CHRNA7: variants seen among roughly 807,000 people sequenced by gnomAD.
CHRNA7 encodes the protein neuronal acetylcholine receptor subunit alpha-7.
Under a neutral mutation model 48.0 loss-of-function variants are expected in CHRNA7, and 17 were observed. The ratio of observed to expected loss-of-function variants is 0.35; its 90% confidence interval spans 0.24 to 0.53. The LOEUF is 0.53. Ranked by LOEUF, CHRNA7 falls within the 20% of genes least tolerant of loss-of-function variation. The pLI is 0.92. For missense variants in CHRNA7, 155 were observed against 577.7 expected (o/e 0.27, Z 7.50); for synonymous variants, 75 against 242.3 (o/e 0.31, Z 6.41).
At chr15:32,044,288 T>TTCCTTCCTTCCTTCG (rs1566798035) in intron 2 of CHRNA7, among the ~76,000 whole-genome samples, 33 of 19,512 alleles carry the variant, frequency 1.7e-3, no homozygotes, top group African/African-American at 3.9e-3. Flanking sequence ...TCCTTCCTTC[T>TTCCTTCCTTCCTTCG]TTTTTTGGGG....
In CHRNA7 at chr15:32,138,726, C is replaced by CTGTTGTTT. The variant is rs1212817087; in HGVS notation, c.351-15177_351-15176insGTTTTGTT. ...TCTGCAATCCATGGCAGCCATTGAC[C>CTGTTGTTT]TGTTATGTTTTGTTTTGTTTTGTTT... On this transcript the variant is annotated intron_variant, in intron 4 of 9. Coordinates refer to ENST00000306901, the MANE Select transcript of CHRNA7 (RefSeq NM_000746.6). Among the ~76,000 whole-genome samples, 4 of 73,478 alleles carry CTGTTGTTT rather than the reference C, an allele frequency of 5.4e-5. No individual in the cohort carries two copies. The East Asian group carries it at 2.1e-3, about 39-fold the overall frequency. The allele number at this position is 73,478 out of a possible 152,430, so 48.2% of individuals were successfully genotyped here. A position where few individuals can be genotyped will look rare whatever the true frequency, so the allele number is the denominator to read the frequency against.
intron 2 of CHRNA7, among the ~76,000 whole-genome samples, chr15:32,038,071 T>C (rs1400848216): frequency 1.4e-5 from 2 of 146,786 alleles, no homozygotes; most frequent in African/African-American, 4.9e-5. Context: ...TATATATATA[T>C]AAATATACAT....
intron 2 of CHRNA7, among the ~76,000 whole-genome samples, chr15:32,044,271 C>CCTTCCTTCCTTT (rs1478932723): frequency 6.6e-6 from 1 of 151,138 alleles, no homozygotes; most frequent in Non-Finnish European, 1.5e-5. Flanking sequence ...TTCCTTCCTT[C>CCTTCCTTCCTTT]CTTCCTTCCT....
rs80073629 is a variant in CHRNA7 at position 32,092,233 on chromosome 15, G to A, written c.196-9070G>A. ...TCCTTTCTGTTTCTCATCTAACTAC[G>A]TAATAATTTGTTTTGGTTCTCAGTT... On this transcript the variant is annotated intron_variant, in intron 2 of 9. Transcript: ENST00000306901. 5.3e-3 allele frequency among the ~76,000 whole-genome samples: 814 copies of A among 152,192 alleles called. 14 individuals carry two copies. The highest frequency in any genetic ancestry group is 0.019 in the African/African-American group (783 of 41,522).
At chr15:32,105,664 A>G (rs1445322849) in intron 3 of CHRNA7, among the ~76,000 whole-genome samples, 2 of 152,212 alleles carry the variant, frequency 1.3e-5, no homozygotes, top group Non-Finnish European at 2.9e-5. Flanking sequence ...GAGAGGCACA[A>G]ATTCTCCTAA....
chr15:32,077,495 A>G (rs889776329), intron 2 of CHRNA7, among the ~76,000 whole-genome samples: 1 of 152,196 alleles, frequency 6.6e-6, no homozygotes, highest in African/African-American at 2.4e-5. Flanking sequence ...CCATTTCAAT[A>G]AATGTGTAGT....
intron 2 of CHRNA7, among the ~76,000 whole-genome samples, chr15:32,035,790 T>C (rs1207737895): frequency 6.6e-6 from 1 of 152,218 alleles, no homozygotes; most frequent in African/African-American, 2.4e-5. Context: ...AAAAAATCTT[T>C]ACTTTTTTGA....
At chr15:32,148,731 G>A (rs531697651) in intron 4 of CHRNA7, among the ~76,000 whole-genome samples, 1 of 152,322 alleles carries the variant, frequency 6.6e-6, no homozygotes, top group Admixed American at 6.5e-5. Flanking sequence ...TTGCTCCCAA[G>A]CCCTCTTTCA....
intron 4 of CHRNA7, among the ~76,000 whole-genome samples, chr15:32,145,784 G>A (rs2051474924): frequency 1.3e-5 from 2 of 152,196 alleles, no homozygotes; most frequent in African/African-American, 4.8e-5. Context: ...GAAAAGTGCA[G>A]TATTTGGGCG....
At chr15:32,081,065 A>G (rs1462469505) in intron 2 of CHRNA7, among the ~76,000 whole-genome samples, 2 of 152,226 alleles carry the variant, frequency 1.3e-5, no homozygotes, top group African/African-American at 2.4e-5. Context: ...GCATATTCTC[A>G]TAAGTGGGAG....
intron 6 of CHRNA7, 121 bp from the exon 7 acceptor site, chr15:32,158,288 CCTT>C: frequency 1.7e-5 from 13 of 743,404 alleles, no homozygotes; most frequent in Admixed American, 5.4e-5. Flanking sequence ...ACAACCCCCC[CCTT>C]TTTTTTTTTT....
intron 2 of CHRNA7, chr15:32,100,926 C>A: frequency 4.9e-6 from 1 of 202,824 alleles, no homozygotes; most frequent in Non-Finnish European, 9.6e-6. Flanking sequence ...GGAAACAAAC[C>A]TGACTTTAAA....
intron 2 of CHRNA7, among the ~76,000 whole-genome samples, chr15:32,091,656 G>A (rs2050383830): frequency 6.6e-6 from 1 of 152,090 alleles, no homozygotes; most frequent in African/African-American, 2.4e-5. Context: ...GTAGGTGGGG[G>A]GTTTGGTTCA....
Position 32,136,621 on chromosome 15 carries a change from G to A in CHRNA7, c.351-17286G>A, listed in dbSNP as rs144585436. 6.5e-3 allele frequency among the ~76,000 whole-genome samples: 994 copies of A among 152,238 alleles called. 12 individuals are homozygous for A. Among genetic ancestry groups the A allele is most frequent in the Middle Eastern group, 0.037 (11 of 294 alleles). Reference sequence around the variant, plus strand: ...TATGACTCTGGAAGGCCATGGAGACGTCAGCTTTAAGTGAAATATACAAGG... The same window carrying A: ...TATGACTCTGGAAGGCCATGGAGACATCAGCTTTAAGTGAAATATACAAGG... On this transcript the variant is annotated intron_variant, in intron 4 of 9. Coordinates refer to ENST00000306901, the MANE Select transcript of CHRNA7 (RefSeq NM_000746.6).
intron 4 of CHRNA7, among the ~76,000 whole-genome samples, chr15:32,128,384 C>T (rs2051103885): frequency 6.6e-6 from 1 of 151,894 alleles, no homozygotes; most frequent in Admixed American, 6.6e-5. Flanking sequence ...CTCGTAGGGA[C>T]AATTATGTTG....
intron 2 of CHRNA7, among the ~76,000 whole-genome samples, chr15:32,073,675 T>A (rs892204022): frequency 2.0e-5 from 3 of 152,124 alleles, no homozygotes; most frequent in African/African-American, 7.2e-5. Context: ...CATGAATGGC[T>A]TGCTGCTCTC....
At chr15:32,070,209 G>C (rs1402743033) in intron 2 of CHRNA7, among the ~76,000 whole-genome samples, 1 of 152,062 alleles carries the variant, frequency 6.6e-6, no homozygotes, top group Non-Finnish European at 1.5e-5. Flanking sequence ...AATAGGCTGC[G>C]TTTTGTTTTG....
At chr15:32,044,456 T>C (rs1450637810) in intron 2 of CHRNA7, among the ~76,000 whole-genome samples, 1 of 152,146 alleles carries the variant, frequency 6.6e-6, no homozygotes, top group Non-Finnish European at 1.5e-5. Context: ...TTTTGTATTT[T>C]TAGTAGAGAC....
intron 2 of CHRNA7, among the ~76,000 whole-genome samples, chr15:32,071,714 C>T (rs1179036191): frequency 2.6e-5 from 4 of 152,192 alleles, no homozygotes; most frequent in African/African-American, 9.7e-5. Flanking sequence ...ACGTGACACA[C>T]CTGCTCCCCT....
Sources: allele counts gnomAD v4.1 joint callset (sites outside exome capture counted in the v4.1 genomes callset), GRCh38; gene constraint gnomAD v4.1.1; transcripts MANE v1.5; gene names NCBI Gene and HGNC (gene_info 2026-07-23, HGNC 2026-07-21).